LRGUK: variants seen among roughly 807,000 people sequenced by gnomAD.
LRGUK encodes leucine-rich repeat and guanylate kinase domain-containing protein.
In LRGUK, 65 loss-of-function variants were observed where a neutral mutation model predicts 76.0. That is an observed-to-expected ratio of 0.85 (90% CI 0.70 to 1.05). The LOEUF (loss-of-function observed/expected upper bound fraction) is 1.05, where lower values mean the gene tolerates loss of function less well. Among genes scored for constraint, LRGUK ranks in the 50% least tolerant of loss-of-function variants. The pLI is 0.00. For missense variants in LRGUK, 758 were observed against 732.8 expected (o/e 1.03, Z -0.40); for synonymous variants, 268 against 265.6 (o/e 1.01, Z -0.09).
downstream of LRGUK, among the ~76,000 whole-genome samples, chr7:134,215,210 C>T (rs1000088897): frequency 6.6e-6 from 1 of 151,026 alleles, no homozygotes; most frequent in Non-Finnish European, 1.5e-5. Context: ...ACACATAAAA[C>T]ACCTGGCAAA....
chr7:134,127,381 A>T lies in LRGUK; in HGVS notation c.14A>T (p.Glu5Val). The stretch of plus-strand genomic sequence containing the variant: ...CCGCTAAACAAGATGGCGACCTCCG[A>T]GAGGGCTCTCCTGAGGACCAGAGCT... The change falls in exon 1 of 16, where the codon GAG becomes GTG. Residue 5 changes from glutamate (E) to valine (V), a missense_variant. Glu to Val is a moderately radical substitution (Grantham distance 121, BLOSUM62 -2). Transcript: ENST00000645682. The T allele has an allele frequency of 1.9e-6, 3 of 1,604,540 alleles. No homozygotes were observed. The South Asian group carries it at 3.3e-5, about 18-fold the overall frequency.
At chr7:134,208,793 G>A (rs1359006808) in exon 16 of LRGUK, 3 of 398,888 alleles carry the variant, frequency 7.5e-6, no homozygotes, top group East Asian at 3.6e-5. Context: ...GCAAGCAGAT[G>A]GCCAGATGAC....
chr7:134,214,325 G>A (rs1320218482), downstream of LRGUK, among the ~76,000 whole-genome samples: 6 of 152,100 alleles, frequency 3.9e-5, no homozygotes, highest in East Asian at 1.2e-3. Flanking sequence ...AAAGTAAATC[G>A]GCACAATTTT....
intron 7 of LRGUK, among the ~76,000 whole-genome samples, chr7:134,170,279 T>C (rs1304570552): frequency 1.3e-5 from 2 of 152,098 alleles, no homozygotes. Flanking sequence ...TATTTTTCTT[T>C]GTGTCTCCCT....
intron 16 of LRGUK, among the ~76,000 whole-genome samples, chr7:134,225,254 G>A (rs973149535): frequency 1.3e-5 from 2 of 152,048 alleles, no homozygotes; most frequent in African/African-American, 4.8e-5. Flanking sequence ...CAGTGTGAGA[G>A]TGGAAGGGGC....
intron 4 of LRGUK, among the ~76,000 whole-genome samples, chr7:134,147,617 G>A (rs925096418): frequency 6.6e-6 from 1 of 152,144 alleles, no homozygotes; most frequent in African/African-American, 2.4e-5. Flanking sequence ...AATCCTGAAG[G>A]AAGACCAAGG....
chr7:134,234,173 C>T (rs886320410), intron 16 of LRGUK, among the ~76,000 whole-genome samples: 22 of 152,256 alleles, frequency 1.4e-4, no homozygotes, highest in African/African-American at 5.3e-4. Context: ...ATCAGCATCT[C>T]AAAGCTGTTC....
At chr7:134,133,355 T>C (rs1797389684) in intron 1 of LRGUK, among the ~76,000 whole-genome samples, 1 of 152,180 alleles carries the variant, frequency 6.6e-6, no homozygotes. Flanking sequence ...CTCAATTGAA[T>C]TGCTGTCTCT....
At chr7:134,141,379 G>T (rs1409519895) in intron 3 of LRGUK, among the ~76,000 whole-genome samples, 1 of 152,104 alleles carries the variant, frequency 6.6e-6, no homozygotes, top group African/African-American at 2.4e-5. Flanking sequence ...TTTCGAATAA[G>T]CTCCTGGATG....
intron 6 of LRGUK, among the ~76,000 whole-genome samples, chr7:134,162,488 T>C (rs991572718): frequency 1.3e-5 from 2 of 152,130 alleles, no homozygotes; most frequent in African/African-American, 4.8e-5. Flanking sequence ...ACTTCTACCA[T>C]ATTCTTTGGT....
intron 12 of LRGUK, 90 bp downstream of exon 12, chr7:134,191,841 G>T: frequency 2.2e-6 from 2 of 922,492 alleles, no homozygotes; most frequent in South Asian, 3.8e-5. Context: ...AAAAAAGGAA[G>T]AATTAAATTT....
intron 6 of LRGUK, among the ~76,000 whole-genome samples, chr7:134,158,502 A>G (rs1289306977): frequency 1.3e-5 from 2 of 152,236 alleles, no homozygotes; most frequent in Non-Finnish European, 2.9e-5. Flanking sequence ...TGGTGAAAAT[A>G]ACATTTAAGG....
intron 16 of LRGUK, among the ~76,000 whole-genome samples, chr7:134,243,030 ACTAGTTAT>A (rs1347377531): frequency 3.9e-5 from 6 of 152,200 alleles, no homozygotes. Context: ...CTGTCAATAA[ACTAGTTAT>A]TGATGGGACA....
At chr7:134,265,094 G>A (rs575321898), downstream of LRGUK, among the ~76,000 whole-genome samples, 121 of 152,226 alleles carry the variant, frequency 7.9e-4, no homozygotes, top group Non-Finnish European at 1.1e-3. Flanking sequence ...AGATGACCAC[G>A]TTGGGCAAGG....
At chr7:134,191,858 T>C in intron 12 of LRGUK, 107 bp downstream of exon 12, 1 of 773,550 alleles carries the variant, frequency 1.3e-6, no homozygotes, top group Non-Finnish European at 2.0e-6. Context: ...ATTTTGTGCT[T>C]GTTATGAGAG....
intron 4 of LRGUK, among the ~76,000 whole-genome samples, chr7:134,144,006 T>C (rs548008988): frequency 1.2e-3 from 186 of 152,100 alleles, no homozygotes; most frequent in African/African-American, 4.3e-3. Flanking sequence ...CCTGAGGGAG[T>C]TTTCAGACCT....
intron 11 of LRGUK, among the ~76,000 whole-genome samples, chr7:134,188,196 AGTTTGATGGGT>A (rs989871493): frequency 1.3e-5 from 2 of 152,198 alleles, no homozygotes; most frequent in Non-Finnish European, 2.9e-5. Context: ...CTAACAAGAT[AGTTTGATGGGT>A]GCTATGATGA....
At chr7:134,209,457 C>A in exon 16 of LRGUK, 1 of 399,070 alleles carries the variant, frequency 2.5e-6, no homozygotes, top group Middle Eastern at 6.3e-4. Flanking sequence ...CCAGAACTGC[C>A]ACATCCCCAA....
chr7:134,201,330 A>T (rs1023576195), intron 14 of LRGUK, 151 bp from the exon 15 acceptor site: 1 of 590,284 alleles, frequency 1.7e-6, no homozygotes, highest in Non-Finnish European at 3.0e-6. Context: ...GATTATACAA[A>T]GGTGATGTGT....
Sources: allele counts gnomAD v4.1 joint callset (sites outside exome capture counted in the v4.1 genomes callset), GRCh38; gene constraint gnomAD v4.1.1; transcripts MANE v1.5; gene names NCBI Gene and HGNC (gene_info 2026-07-23, HGNC 2026-07-21).